Variants in NETO2 observed in about 807,000 individuals in gnomAD.
The protein encoded by NETO2 is neuropilin and tolloid-like protein 2.
Under a neutral mutation model 62.5 loss-of-function variants are expected in NETO2, and 28 were observed. That is an observed-to-expected ratio of 0.45 (90% CI 0.33 to 0.61). The LOEUF (loss-of-function observed/expected upper bound fraction) is 0.61, where lower values mean the gene tolerates loss of function less well. Ranked by LOEUF, NETO2 falls within the 20% of genes least tolerant of loss-of-function variation. The probability of loss-of-function intolerance (pLI) is 0.02; values close to 1 mark genes in which losing one functional copy is unlikely to be tolerated. For missense variants in NETO2, 548 were observed against 643.2 expected, an observed-to-expected ratio of 0.85 and a Z score of 1.60; for synonymous variants, 214 against 219.1, an observed-to-expected ratio of 0.98 and a Z score of 0.21.
chr16:47,115,807 G>A (rs1963909647), intron 6 of NETO2, among the ~76,000 whole-genome samples: 1 of 149,832 alleles, frequency 6.7e-6, no homozygotes, highest in African/African-American at 2.5e-5. Context: ...CTGAGTTCAA[G>A]CAATCCACCT....
intron 2 of NETO2, 119 bp from the exon 3 acceptor site, chr16:47,129,483 A>G (rs1964222203): frequency 1.0e-6 from 1 of 1,003,178 alleles, no homozygotes; most frequent in Non-Finnish European, 1.5e-6. Context: ...ATTTTCTAAG[A>G]ACCACTGTCA....
chr16:47,110,559 G>A (rs962200150), intron 6 of NETO2, among the ~76,000 whole-genome samples: 4 of 152,136 alleles, frequency 2.6e-5, no homozygotes, highest in East Asian at 1.9e-4. Context: ...CTAAATGTGC[G>A]TCCTTCTCAT....
rs192871802 is a variant in NETO2, at chr16:47,081,156, A to T, written c.*2065T>A. On this transcript the variant is annotated 3_prime_UTR_variant, in exon 9 of 9. Transcript: ENST00000562435. ...TTTGCTATTATAATCTAAAGATTAAATATAGGTTTAACAGCTATTTTAAAA... is the reference window on the plus strand; with the variant it reads ...TTTGCTATTATAATCTAAAGATTAATTATAGGTTTAACAGCTATTTTAAAA... 1 of 152,316 alleles carries T rather than the reference A, an allele frequency of 6.6e-6. No individual in the cohort carries two copies. The highest frequency in any genetic ancestry group is 1.9e-4 in the East Asian group (1 of 5,194). 9.4% of individuals were successfully genotyped at this position (152,316 alleles called of 1,614,324 possible).
chr16:47,138,847 C>A (rs1211135106), intron 1 of NETO2, among the ~76,000 whole-genome samples: 1 of 152,146 alleles, frequency 6.6e-6, no homozygotes, highest in Non-Finnish European at 1.5e-5. Context: ...CTCTGGCCTT[C>A]CGAGCGCTCT....
At chr16:47,084,956 AC>A (rs1177728987) in intron 8 of NETO2, among the ~76,000 whole-genome samples, 1 of 151,928 alleles carries the variant, frequency 6.6e-6, no homozygotes, top group African/African-American at 2.4e-5. Flanking sequence ...CCTGAAACCA[AC>A]CCCCCTGCCC....
intron 6 of NETO2, among the ~76,000 whole-genome samples, chr16:47,115,099 T>C (rs971446908): frequency 6.6e-6 from 1 of 152,230 alleles, no homozygotes; most frequent in Non-Finnish European, 1.5e-5. Context: ...CATTGATCTG[T>C]GTGTCTGTCC....
intron 1 of NETO2, among the ~76,000 whole-genome samples, chr16:47,143,155 T>C (rs535278082): frequency 6.6e-6 from 1 of 152,208 alleles, no homozygotes; most frequent in South Asian, 2.1e-4. Context: ...GCTTTTATTG[T>C]TCTCGTGGAA....
intron 7 of NETO2, among the ~76,000 whole-genome samples, chr16:47,088,973 C>T (rs527772423): frequency 7.2e-4 from 109 of 152,204 alleles, no homozygotes; most frequent in Non-Finnish European, 1.2e-3. Flanking sequence ...AGAGTGTGAC[C>T]ATAATCTCTC....
At chr16:47,124,271 C>A (rs568651792) in intron 4 of NETO2, among the ~76,000 whole-genome samples, 1 of 152,020 alleles carries the variant, frequency 6.6e-6, no homozygotes, top group Admixed American at 6.6e-5. Context: ...AACGGCATGG[C>A]GGAGGGGAAT....
chr16:47,137,920 T>C (rs1964392056), intron 1 of NETO2, among the ~76,000 whole-genome samples: 1 of 152,216 alleles, frequency 6.6e-6, no homozygotes, highest in Non-Finnish European at 1.5e-5. Context: ...GTGAAGGCTC[T>C]ATAAATACCA....
chr16:47,101,833 A>G (rs1426145090), intron 7 of NETO2, among the ~76,000 whole-genome samples: 1 of 152,224 alleles, frequency 6.6e-6, no homozygotes, highest in African/African-American at 2.4e-5. Flanking sequence ...GGAAGAATCA[A>G]TATCGTGAAA....
rs114189470 is a variant in NETO2 at position 47,127,157 on chromosome 16, A to G, written c.481+1168T>C. On this transcript the variant is annotated intron_variant, in intron 4 of 8. Transcript: ENST00000562435. ...CAATTAAATTTCTTGCACGAAAAAT[A>G]AAAGCAAAAAGATCATGCAGTTGTC... Among the ~76,000 whole-genome samples the G allele has an allele frequency of 2.7e-3, 406 of 152,358 alleles. 5 individuals are homozygous for G. The highest frequency in any genetic ancestry group is 9.5e-3 in the African/African-American group (394 of 41,584).
chr16:47,126,177 A>T (rs996340253), intron 4 of NETO2, among the ~76,000 whole-genome samples: 1 of 152,180 alleles, frequency 6.6e-6, no homozygotes, highest in African/African-American at 2.4e-5. Flanking sequence ...GAATTAACTC[A>T]CGTCCACACA....
chr16:47,105,573 A>G (rs1487523438), intron 7 of NETO2, among the ~76,000 whole-genome samples: 2 of 152,212 alleles, frequency 1.3e-5, no homozygotes, highest in Admixed American at 6.5e-5. Flanking sequence ...CAGAGTGCAA[A>G]AAAGTCTGCT....
chr16:47,141,428 T>G (rs1284441752), intron 1 of NETO2, among the ~76,000 whole-genome samples: 2 of 152,046 alleles, frequency 1.3e-5, no homozygotes, highest in Non-Finnish European at 2.9e-5. Context: ...AATTAAAATA[T>G]TGATTTTTAA....
At chr16:47,094,302 A>G (rs1199952293) in intron 7 of NETO2, among the ~76,000 whole-genome samples, 1 of 144,960 alleles carries the variant, frequency 6.9e-6, no homozygotes, top group African/African-American at 2.6e-5. Flanking sequence ...TAATTGGCTG[A>G]GGAGTTTAAG....
intron 4 of NETO2, 61 bp from the exon 5 acceptor site, chr16:47,122,973 CTTACA>C (rs1964073016): frequency 6.8e-7 from 1 of 1,479,162 alleles, no homozygotes; most frequent in Non-Finnish European, 9.4e-7. Context: ...TCCTCGATGT[CTTACA>C]TTACATCTAA....
At chr16:47,084,288 C>A (rs758470210) in intron 8 of NETO2, among the ~76,000 whole-genome samples, 1 of 152,114 alleles carries the variant, frequency 6.6e-6, no homozygotes, top group Non-Finnish European at 1.5e-5. Flanking sequence ...CACTTCATGT[C>A]GAGTATTTAC....
chr16:47,103,359 C>T (rs1963597448), intron 7 of NETO2, among the ~76,000 whole-genome samples: 1 of 152,080 alleles, frequency 6.6e-6, no homozygotes, highest in African/African-American at 2.4e-5. Flanking sequence ...ATGGATGCAG[C>T]AAACCAGCAT....
Sources: gnomAD v4.1 joint callset for allele counts (sites outside exome capture counted in the v4.1 genomes callset) on GRCh38, gnomAD v4.1.1 for gene constraint, MANE v1.5 for transcripts, NCBI Gene and HGNC (gene_info 2026-07-23, HGNC 2026-07-21) for gene names.